The following USP32 variants were observed in gnomAD, a reference collection of about 807,000 sequenced individuals.
USP32 encodes ubiquitin carboxyl-terminal hydrolase 32.
In USP32, 59 loss-of-function variants were observed where a neutral mutation model predicts 204.8. The observed-to-expected ratio is 0.29, with a 90% CI of 0.23 to 0.36. USP32 has a LOEUF of 0.36. Ranked by LOEUF, USP32 falls within the 10% of genes least tolerant of loss-of-function variation. The pLI is 1.00. For synonymous variants in USP32, 517 were observed against 678.4 expected (o/e 0.76, Z 3.70); for missense variants, 1,160 against 1,946.4 (o/e 0.60, Z 7.60).
intron 1 of USP32, among the ~76,000 whole-genome samples, chr17:60,401,681 G>A (rs1016458064): frequency 2.0e-5 from 3 of 149,106 alleles, no homozygotes; most frequent in Non-Finnish European, 4.4e-5. Context: ...AGGAGTTTGA[G>A]ACCAGCCTGG....
At chr17:60,304,136 A>C (rs2087661326) in intron 2 of USP32, among the ~76,000 whole-genome samples, 1 of 152,162 alleles carries the variant, frequency 6.6e-6, no homozygotes, top group South Asian at 2.1e-4. Context: ...AAACTTCTCA[A>C]AACCAAAGAT....
chr17:60,347,085 A>C (rs1244363597), intron 1 of USP32, among the ~76,000 whole-genome samples: 1 of 152,228 alleles, frequency 6.6e-6, no homozygotes, highest in Admixed American at 6.5e-5. Context: ...ATCTGGAAGC[A>C]ATAGCCTGCT....
chr17:60,181,440 C>T lies in USP32; in HGVS notation c.4432G>A (p.Ala1478Thr), dbSNP rs540704308. 1 of 1,613,962 alleles carries T rather than the reference C, an allele frequency of 6.2e-7. No individual in the cohort carries two copies. Among genetic ancestry groups the T allele is most frequent in the African/African-American group, 1.3e-5 (1 of 75,020 alleles). ...CCATTGCTGTAGCCATTGCCACATG[C>T]TTCATGCTCATAAAGGAATCCATTG... ...LANGFLYEHE[A>T]CGNGYSNGQL... The change falls in exon 32 of 34, where the codon GCA becomes ACA. Residue 1478 changes from alanine to threonine, a missense_variant. Physicochemically the swap from Ala to Thr is moderately conservative, Grantham distance 58 (BLOSUM62 0). This residue lies in a region of USP32 where 244 missense variants were observed against 342.3 expected (regional missense o/e 0.71). Coordinates refer to ENST00000300896, the MANE Select transcript of USP32 (RefSeq NM_032582.4).
At chr17:60,319,358 G>A (rs1370851675) in intron 2 of USP32, among the ~76,000 whole-genome samples, 1 of 150,260 alleles carries the variant, frequency 6.7e-6, no homozygotes, top group Non-Finnish European at 1.5e-5. Context: ...TAGATAGAAA[G>A]TACTTCTGTG....
intron 2 of USP32, among the ~76,000 whole-genome samples, chr17:60,334,627 G>T (rs1349152010): frequency 7.0e-6 from 1 of 143,482 alleles, no homozygotes; most frequent in Non-Finnish European, 1.5e-5. Context: ...GGGAGGCGGA[G>T]CTTGCAGTGA....
intron 11 of USP32, among the ~76,000 whole-genome samples, chr17:60,242,250 G>A (rs1458855828): frequency 6.6e-6 from 1 of 152,058 alleles, no homozygotes; most frequent in Admixed American, 6.5e-5. Flanking sequence ...TCAGCCTCCT[G>A]AGTAGCTGGG....
At chr17:60,377,255 T>C (rs2089564393) in intron 1 of USP32, among the ~76,000 whole-genome samples, 1 of 152,100 alleles carries the variant, frequency 6.6e-6, no homozygotes. Context: ...AGGCCAAGAG[T>C]TTGAGACCAG....
chr17:60,292,616 A>T (rs2145863365), intron 4 of USP32, among the ~76,000 whole-genome samples: 1 of 152,266 alleles, frequency 6.6e-6, no homozygotes, highest in Non-Finnish European at 1.5e-5. Flanking sequence ...TAAATGCAGA[A>T]TCTGAAAACT....
chr17:60,205,735 G>A, intron 25 of USP32, 77 bp from the exon 26 acceptor site: 1 of 1,340,616 alleles, frequency 7.5e-7, no homozygotes, highest in Non-Finnish European at 1.0e-6. Flanking sequence ...GTATCCTGAG[G>A]ACCAGAGACA....
chr17:60,377,802 T>C (rs2089576301), intron 1 of USP32, among the ~76,000 whole-genome samples: 1 of 152,164 alleles, frequency 6.6e-6, no homozygotes, highest in Non-Finnish European at 1.5e-5. Context: ...GGTTTTAGAG[T>C]AGGGTTCTTT....
intron 11 of USP32, among the ~76,000 whole-genome samples, chr17:60,247,378 C>T (rs993469043): frequency 1.3e-5 from 2 of 152,046 alleles, no homozygotes; most frequent in African/African-American, 4.8e-5. Flanking sequence ...TAGGGTTTCA[C>T]CATGTTGGTC....
intron 27 of USP32, 106 bp from the exon 28 acceptor site, chr17:60,193,036 G>A: frequency 1.7e-6 from 2 of 1,176,196 alleles, no homozygotes; most frequent in South Asian, 2.7e-5. Context: ...ATTTGCCATA[G>A]CAGTACGCTC....
At chr17:60,322,157 G>A (rs1307476673) in intron 2 of USP32, among the ~76,000 whole-genome samples, 2 of 151,868 alleles carry the variant, frequency 1.3e-5, no homozygotes, top group Non-Finnish European at 2.9e-5. Context: ...AACTGAGTAG[G>A]TAACTCTATA....
At chr17:60,194,067 G>T (rs1164791782) in intron 27 of USP32, among the ~76,000 whole-genome samples, 1 of 151,490 alleles carries the variant, frequency 6.6e-6, no homozygotes, top group Non-Finnish European at 1.5e-5. Context: ...TTTTGAGACA[G>T]GGTATCACTC....
chr17:60,397,673 A>G (rs577304863), intron 1 of USP32, among the ~76,000 whole-genome samples: 1 of 152,220 alleles, frequency 6.6e-6, no homozygotes, highest in South Asian at 2.1e-4. Flanking sequence ...CTATTAGTAC[A>G]GTGCTTCCAT....
At chr17:60,207,249 G>T in intron 24 of USP32, 117 bp from the exon 25 acceptor site, 1 of 1,424,592 alleles carries the variant, frequency 7.0e-7, no homozygotes, top group Non-Finnish European at 9.3e-7. Context: ...AAACCAACGA[G>T]ATGATTGAAT....
chr17:60,310,962 A>G (rs1020821322), intron 2 of USP32, among the ~76,000 whole-genome samples: 1 of 152,168 alleles, frequency 6.6e-6, no homozygotes, highest in Non-Finnish European at 1.5e-5. Flanking sequence ...TCTCATGAAG[A>G]TGAGAGTAGA....
At chr17:60,390,717 G>A (rs73322612) in intron 1 of USP32, among the ~76,000 whole-genome samples, 6,757 of 152,120 alleles carry the variant, frequency 0.044, 516 homozygotes, top group African/African-American at 0.15. Context: ...TTGAATACCC[G>A]TCTTTTAATC....
chr17:60,414,364 T>C (rs1211752519), intron 1 of USP32, among the ~76,000 whole-genome samples: 1 of 151,690 alleles, frequency 6.6e-6, no homozygotes, highest in African/African-American at 2.4e-5. Flanking sequence ...CAAGATGTTA[T>C]CTTTAGTTTC....
Sources: gnomAD v4.1 joint callset for allele counts (sites outside exome capture counted in the v4.1 genomes callset) on GRCh38, gnomAD v4.1.1 for gene constraint, gnomAD v4.1.1 regional missense constraint, MANE v1.5 for transcripts, NCBI Gene and HGNC (gene_info 2026-07-23, HGNC 2026-07-21) for gene names.